Variants in VPS39 observed in about 807,000 individuals in gnomAD.
The protein encoded by VPS39 is VPS39 subunit of HOPS complex, also known as vam6/Vps39-like protein.
In VPS39, 70 loss-of-function variants were observed where a neutral mutation model predicts 121.0. The observed-to-expected ratio is 0.58, with a 90% confidence interval of 0.48 to 0.71. The LOEUF is 0.71. Among genes scored for constraint, VPS39 ranks in the 30% least tolerant of loss-of-function variants. The probability of loss-of-function intolerance (pLI) is 0.00; values close to 1 mark genes in which losing one functional copy is unlikely to be tolerated. For missense variants in VPS39, 818 were observed against 1,051.5 expected, an observed-to-expected ratio of 0.78 and a Z score of 3.07; for synonymous variants, 378 against 398.1, an observed-to-expected ratio of 0.95 and a Z score of 0.60.
At chr15:42,193,075 C>T (rs1424526288) in intron 2 of VPS39, among the ~76,000 whole-genome samples, 2 of 152,108 alleles carry the variant, frequency 1.3e-5, no homozygotes, top group African/African-American at 4.8e-5. Context: ...CCACTGCCCC[C>T]GGCCTATAAT....
At chr15:42,165,926 C>A (rs549181971) in intron 16 of VPS39, 110 bp from the exon 17 acceptor site, 2 of 1,082,284 alleles carry the variant, frequency 1.8e-6, no homozygotes, top group African/African-American at 1.6e-5. Flanking sequence ...GGCAAGGGTA[C>A]GAGAAGGCAT....
chr15:42,175,429 G>C (rs1248677192), intron 10 of VPS39, among the ~76,000 whole-genome samples: 2 of 149,366 alleles, frequency 1.3e-5, no homozygotes, highest in East Asian at 3.9e-4. Flanking sequence ...AAAAAAGAAA[G>C]AAAAAAAACA....
intron 1 of VPS39, among the ~76,000 whole-genome samples, chr15:42,200,600 G>A (rs2050047089): frequency 6.6e-6 from 1 of 152,162 alleles, no homozygotes; most frequent in South Asian, 2.1e-4. Context: ...CTCATACACT[G>A]CTGGCAGGAA....
At chr15:42,181,348 G>T (rs1462679023) in intron 8 of VPS39, among the ~76,000 whole-genome samples, 5 of 152,160 alleles carry the variant, frequency 3.3e-5, no homozygotes, top group Non-Finnish European at 7.3e-5. Context: ...GTATCTAGAA[G>T]ATGTCAAATT....
intron 1 of VPS39, among the ~76,000 whole-genome samples, chr15:42,202,230 A>G (rs1025782708): frequency 3.9e-5 from 6 of 152,240 alleles, no homozygotes; most frequent in African/African-American, 1.2e-4. Flanking sequence ...CAAAGGATCA[A>G]TAGTATTTCT....
chr15:42,162,355 G>T lies in VPS39; in HGVS notation c.2302C>A (p.His768Asn), dbSNP rs1431915752. Residue 768 changes from histidine (H) to asparagine (N), a missense_variant, in exon 22 of 25, where the codon CAC becomes AAC. His to Asn is a moderately conservative substitution (Grantham distance 68, BLOSUM62 1). Coordinates refer to ENST00000318006, the MANE Select transcript of VPS39 (RefSeq NM_015289.5). ...ACCTTGGTGGTGTCCAGTTTGCTGT[G>T]GTGTAGCTCGAGGACCTGCAGAGCG... is the stretch of plus-strand genomic sequence containing the variant. The part of the protein sequence containing the change: ...QAALQVLELH[H>N]SKLDTTKALN... 1 of 1,612,776 alleles carries T rather than the reference G, an allele frequency of 6.2e-7. No individual in the cohort carries two copies. The highest frequency in any genetic ancestry group is 1.3e-5 in the African/African-American group (1 of 74,884).
At chr15:42,169,424 T>TA (rs933525804) in intron 12 of VPS39, among the ~76,000 whole-genome samples, 49 of 152,348 alleles carry the variant, frequency 3.2e-4, no homozygotes, top group African/African-American at 9.6e-4. Context: ...AAGTTTGTTT[T>TA]AAAAAAACTT....
intron 1 of VPS39, among the ~76,000 whole-genome samples, chr15:42,205,462 C>A (rs1475170361): frequency 6.6e-6 from 1 of 152,076 alleles, no homozygotes; most frequent in African/African-American, 2.4e-5. Context: ...AAGGAAACAG[C>A]AAATGTAAAG....
intron 18 of VPS39, 27 bp downstream of exon 18, chr15:42,164,969 C>CA: frequency 6.2e-7 from 1 of 1,613,848 alleles, no homozygotes; most frequent in Non-Finnish European, 8.5e-7. Flanking sequence ...GGCCTGGGGC[C>CA]AACCGGCTTC....
In VPS39 at chr15:42,182,920, G is replaced by A. The variant is rs1216732843; in HGVS notation, c.718+1597C>T. Among the ~76,000 whole-genome samples, 7 of 152,266 alleles carry A rather than the reference G, an allele frequency of 4.6e-5. 1 individual carries two copies. In the South Asian group the frequency reaches 1.2e-3, roughly 27 times the overall value. On this transcript the variant is annotated intron_variant, in intron 8 of 24. Coordinates refer to ENST00000318006, the MANE Select transcript of VPS39 (RefSeq NM_015289.5). ...ACTCATCTACCAAAGTTCCTCTTCT[G>A]AAGGGAAAACAAGGTCGCCTAGAAC...
At chr15:42,171,873 T>C (rs1362363693) in intron 11 of VPS39, among the ~76,000 whole-genome samples, 3 of 152,036 alleles carry the variant, frequency 2.0e-5, no homozygotes, top group African/African-American at 7.3e-5. Context: ...ATGTGGAGTC[T>C]TGGTGGTAGG....
At chr15:42,187,946 C>T (rs1274911893) in intron 5 of VPS39, 90 bp from the exon 6 acceptor site, 2 of 1,275,362 alleles carry the variant, frequency 1.6e-6, no homozygotes, top group Non-Finnish European at 2.3e-6. Flanking sequence ...CTTGAAATTG[C>T]TACTACTCTG....
At chr15:42,192,192 C>T in intron 2 of VPS39, 3 of 1,219,054 alleles carry the variant, frequency 2.5e-6, no homozygotes, top group Non-Finnish European at 3.5e-6. Context: ...TCAAAAGTCA[C>T]CAATGAGTCA....
intron 2 of VPS39, among the ~76,000 whole-genome samples, chr15:42,195,094 A>G (rs1254934076): frequency 6.6e-6 from 1 of 152,144 alleles, no homozygotes; most frequent in East Asian, 1.9e-4. Flanking sequence ...AAATAAACCT[A>G]GAGTTGTAAA....
intron 2 of VPS39, among the ~76,000 whole-genome samples, chr15:42,195,951 T>C (rs1263212676): frequency 6.6e-6 from 1 of 152,168 alleles, no homozygotes; most frequent in African/African-American, 2.4e-5. Context: ...CAAAACAGCA[T>C]GGTACTGGAA....
At chr15:42,191,462 A>G (rs780763695) in intron 3 of VPS39, 34 bp downstream of exon 3, 3 of 1,602,972 alleles carry the variant, frequency 1.9e-6, no homozygotes, top group Non-Finnish European at 2.6e-6. Context: ...CATGTAAGTC[A>G]AATATTCTTG....
intron 2 of VPS39, among the ~76,000 whole-genome samples, chr15:42,195,540 G>C (rs1487649653): frequency 6.6e-6 from 1 of 152,108 alleles, no homozygotes; most frequent in African/African-American, 2.4e-5. Flanking sequence ...GACAAACAGA[G>C]AGCCAAATCA....
intron 1 of VPS39, among the ~76,000 whole-genome samples, chr15:42,205,423 T>C (rs1326517973): frequency 6.6e-6 from 1 of 152,134 alleles, no homozygotes; most frequent in Non-Finnish European, 1.5e-5. Context: ...GAATGAACCA[T>C]ATATACAAAG....
intron 1 of VPS39, among the ~76,000 whole-genome samples, chr15:42,207,454 T>C (rs2050197676): frequency 6.6e-6 from 1 of 152,190 alleles, no homozygotes; most frequent in Non-Finnish European, 1.5e-5. Flanking sequence ...AGGACTATGC[T>C]AGTTTTTATG....
Sources: gnomAD v4.1 joint callset for allele counts (sites outside exome capture counted in the v4.1 genomes callset) on GRCh38, gnomAD v4.1.1 for gene constraint, MANE v1.5 for transcripts, NCBI Gene and HGNC (gene_info 2026-07-23, HGNC 2026-07-21) for gene names.